Variants in ITGB5 observed in about 807,000 individuals in gnomAD.
The protein encoded by ITGB5 is integrin subunit beta 5.
ITGB5 carries 38 observed loss-of-function variants against 84.8 expected under a neutral mutation model. The ratio of observed to expected loss-of-function variants is 0.45; its 90% CI spans 0.35 to 0.59. ITGB5 has a LOEUF of 0.59. Among genes scored for constraint, ITGB5 ranks in the 20% least tolerant of loss-of-function variants. The probability of loss-of-function intolerance (pLI) is 0.01; values close to 1 mark genes in which losing one functional copy is unlikely to be tolerated. For synonymous variants in ITGB5, 393 were observed against 414.4 expected (o/e 0.95, Z 0.63); for missense variants, 905 against 1,034.5 (o/e 0.87, Z 1.72).
upstream of ITGB5, among the ~76,000 whole-genome samples, chr3:124,890,348 C>A (rs1381395815): frequency 6.6e-6 from 1 of 151,832 alleles, no homozygotes; most frequent in African/African-American, 2.4e-5. Context: ...GGACTACAGG[C>A]GTGTGCCACC....
In ITGB5 at chr3:124,822,062, T is replaced by C. The variant is rs939743677; in HGVS notation, c.781-588A>G. On this transcript the variant is annotated intron_variant, in intron 5 of 14. Coordinates refer to ENST00000296181, the MANE Select transcript of ITGB5 (RefSeq NM_002213.5). ...ATTCCAATTGTTATTTGAGCCACATTGGTAGTTAAAGTCAATCAGATCCCT... is the reference window on the plus strand; with the variant it reads ...ATTCCAATTGTTATTTGAGCCACATCGGTAGTTAAAGTCAATCAGATCCCT... Among the ~76,000 whole-genome samples the C allele has an allele frequency of 1.0e-4, 15 of 150,050 alleles. No individual in the cohort carries two copies. The East Asian group carries it at 2.9e-3, about 29-fold the overall frequency.
chr3:124,825,236 A>G (rs1474870102), intron 5 of ITGB5, among the ~76,000 whole-genome samples: 3 of 151,930 alleles, frequency 2.0e-5, no homozygotes, highest in African/African-American at 7.3e-5. Context: ...TAGAACTCTC[A>G]TAATTGCCTA....
intron 11 of ITGB5, among the ~76,000 whole-genome samples, chr3:124,772,685 ACTC>A (rs139579820): frequency 0.17 from 25,117 of 151,868 alleles, 2,262 homozygotes; most frequent in Admixed American, 0.25. Context: ...TCTCATTTGC[ACTC>A]TGGTGGAGCA....
At chr3:124,790,817 G>A (rs1031724515) in intron 10 of ITGB5, among the ~76,000 whole-genome samples, 8 of 152,094 alleles carry the variant, frequency 5.3e-5, no homozygotes, top group African/African-American at 1.4e-4. Flanking sequence ...AAATAAAGGT[G>A]AGACGTATAC....
chr3:124,773,153 C>T (rs1871397), intron 11 of ITGB5, among the ~76,000 whole-genome samples: 24,655 of 152,080 alleles, frequency 0.16, 2,230 homozygotes, highest in Admixed American at 0.25. Flanking sequence ...GTGATCCACC[C>T]GTCTTGGCCT....
intron 1 of ITGB5, among the ~76,000 whole-genome samples, chr3:124,895,998 C>T (rs561250287): frequency 6.4e-4 from 98 of 152,178 alleles, no homozygotes; most frequent in Non-Finnish European, 1.3e-3. Flanking sequence ...AAATGTGTTC[C>T]GCACTTGGCA....
intron 9 of ITGB5, among the ~76,000 whole-genome samples, chr3:124,805,253 C>G (rs1412675857): frequency 6.6e-6 from 1 of 151,918 alleles, no homozygotes; most frequent in Non-Finnish European, 1.5e-5. Flanking sequence ...AGCGATCCTC[C>G]CACCTCAGCT....
chr3:124,879,248 C>G (rs1031111825), intron 1 of ITGB5, among the ~76,000 whole-genome samples: 1 of 152,246 alleles, frequency 6.6e-6, no homozygotes, highest in Non-Finnish European at 1.5e-5. Flanking sequence ...CTCTCCACTT[C>G]TGTACACCCC....
rs114682144 is a variant in ITGB5, at chr3:124,785,715, G to A, written c.1693+10673C>T. Among the ~76,000 whole-genome samples, 1,096 of 152,078 alleles carry A rather than the reference G, an allele frequency of 7.2e-3. 11 individuals are homozygous for A. The highest frequency in any genetic ancestry group is 0.024 in the African/African-American group (986 of 41,468). On this transcript the variant is annotated intron_variant, in intron 10 of 14. Transcript: ENST00000296181. ...TTTCATCAAATTATAGTCACGAAAC[G>A]ATGAGTACCTCAGGCAGTTGCTTGG...
In ITGB5 at chr3:124,894,134, C is replaced by CTTTTTTTTTTTTTTTTTTTTTTT. The variant is rs748784158; in HGVS notation, c.-255+7131_-255+7132insAAAAAAAAAAAAAAAAAAAAAAA. ...TTATAGTAAAAGTTGTGATATTTTT[C>CTTTTTTTTTTTTTTTTTTTTTTT]TTTTTTTTTTTTTTTTTTGAGACAG... On this transcript the variant is annotated intron_variant, in intron 1 of 4. Transcript: ENST00000608657. Among the ~76,000 whole-genome samples, 3 of 104,354 alleles carry CTTTTTTTTTTTTTTTTTTTTTTT rather than the reference C, an allele frequency of 2.9e-5. 1 individual carries two copies. The highest frequency in any genetic ancestry group is 3.4e-4 in the South Asian group (1 of 2,940). The allele number at this position is 104,354 out of a possible 152,430, so 68.5% of individuals were successfully genotyped here. A position where few individuals can be genotyped will look rare whatever the true frequency, so the allele number is the denominator to read the frequency against.
rs769961133 is a variant in ITGB5, at chr3:124,848,355, G to A, written c.565C>T (p.Pro189Ser). The A allele has an allele frequency of 1.2e-6, 2 of 1,614,140 alleles. No homozygotes were observed. The highest frequency in any genetic ancestry group is 4.5e-5 in the East Asian group (2 of 44,884). The part of the protein sequence containing the change: ...FGSFVDKDIS[P>S]FSYTAPRYQT... Reference sequence around the variant, plus strand: ...TACCTCGGTGCCGTGTAGGAGAAAGGAGAGATGTCCTTATCAACAAAAGAC... The same window carrying A: ...TACCTCGGTGCCGTGTAGGAGAAAGAAGAGATGTCCTTATCAACAAAAGAC... The change falls in exon 4 of 15, where the codon CCT (proline) becomes TCT (serine). Residue 189 changes from proline (P) to serine (S), a missense_variant. Around this residue, in one of 3 missense-constraint regions of ITGB5, gnomAD observed 656 missense variants for 734.7 expected, o/e 0.89. Transcript: ENST00000296181.
upstream of ITGB5, among the ~76,000 whole-genome samples, chr3:124,889,237 T>A (rs923735094): frequency 6.6e-6 from 1 of 152,174 alleles, no homozygotes; most frequent in African/African-American, 2.4e-5. Flanking sequence ...TGGCCTATTG[T>A]TTATGTAAAA....
intron 11 of ITGB5, among the ~76,000 whole-genome samples, chr3:124,772,534 C>T (rs865991326): frequency 1.1e-4 from 16 of 152,222 alleles, no homozygotes; most frequent in African/African-American, 3.6e-4. Context: ...CAAAGAGAAG[C>T]GACGTTTGTA....
chr3:124,873,661 T>C (rs900952498), intron 1 of ITGB5, 130 bp from the exon 2 acceptor site: 2 of 747,758 alleles, frequency 2.7e-6, no homozygotes, highest in Non-Finnish European at 4.8e-6. Context: ...GCAGGTACCA[T>C]TGCTAATTGC....
chr3:124,844,703 G>A (rs547532200), intron 4 of ITGB5, among the ~76,000 whole-genome samples: 2 of 152,330 alleles, frequency 1.3e-5, no homozygotes, highest in Admixed American at 1.3e-4. Context: ...CTGAACACTG[G>A]AATAGGGCTG....
At chr3:124,805,109 C>T (rs1469372325) in intron 9 of ITGB5, among the ~76,000 whole-genome samples, 1 of 146,640 alleles carries the variant, frequency 6.8e-6, no homozygotes, top group African/African-American at 2.5e-5. Flanking sequence ...TCTCTCTCTC[C>T]TTCCTTTCCC....
At chr3:124,808,911 A>C in intron 9 of ITGB5, 111 bp downstream of exon 9, 1 of 1,228,158 alleles carries the variant, frequency 8.1e-7, no homozygotes, top group South Asian at 1.5e-5. Flanking sequence ...TGAATTGGAA[A>C]ACAGAATATA....
chr3:124,797,111 A>G (rs1196117354), intron 9 of ITGB5, among the ~76,000 whole-genome samples: 4 of 152,096 alleles, frequency 2.6e-5, no homozygotes, highest in African/African-American at 7.2e-5. Context: ...GGAAAGCTAT[A>G]GGGCTTCCTT....
chr3:124,774,525 G>A (rs780853939), intron 10 of ITGB5, among the ~76,000 whole-genome samples: 2 of 152,160 alleles, frequency 1.3e-5, no homozygotes, highest in African/African-American at 4.8e-5. Context: ...AGGCCAGGAA[G>A]CCGATGCTCC....
Sources: gnomAD v4.1 joint callset for allele counts (sites outside exome capture counted in the v4.1 genomes callset) on GRCh38, gnomAD v4.1.1 for gene constraint, gnomAD v4.1.1 regional missense constraint, MANE v1.5 for transcripts, NCBI Gene and HGNC (gene_info 2026-07-23, HGNC 2026-07-21) for gene names.